The following DOCK3 variants were observed in gnomAD, a reference collection of about 807,000 sequenced individuals.
DOCK3 encodes dedicator of cytokinesis protein 3.
Under a neutral mutation model 265.6 loss-of-function variants are expected in DOCK3, and 60 were observed. The observed-to-expected ratio is 0.23, with a 90% CI of 0.18 to 0.28. The LOEUF (loss-of-function observed/expected upper bound fraction) is 0.28. DOCK3 is among the 10% of genes least tolerant of loss of function. DOCK3 has a pLI of 1.00. For synonymous variants in DOCK3, 881 were observed against 938.0 expected (o/e 0.94, Z 1.11); for missense variants, 1,981 against 2,594.3 (o/e 0.76, Z 5.14).
intron 9 of DOCK3, among the ~76,000 whole-genome samples, chr3:51,092,789 C>T (rs1576043490): frequency 6.6e-6 from 1 of 152,208 alleles, no homozygotes; most frequent in Non-Finnish European, 1.5e-5. Flanking sequence ...GCAGTTGCCC[C>T]TCTGGGACGA....
At chr3:50,879,468 G>T (rs1175039369) in intron 3 of DOCK3, among the ~76,000 whole-genome samples, 1 of 151,982 alleles carries the variant, frequency 6.6e-6, no homozygotes, top group African/African-American at 2.4e-5. Context: ...AAAAAAGGAA[G>T]GGGTTGCAAT....
intron 25 of DOCK3, among the ~76,000 whole-genome samples, chr3:51,275,936 A>G (rs933919876): frequency 2.0e-5 from 3 of 152,226 alleles, no homozygotes; most frequent in African/African-American, 7.2e-5. Flanking sequence ...CATATTACTT[A>G]TAGAAAATTC....
intron 14 of DOCK3, among the ~76,000 whole-genome samples, chr3:51,224,222 T>C (rs2090226013): frequency 6.6e-6 from 1 of 152,222 alleles, no homozygotes; most frequent in Admixed American, 6.5e-5. Flanking sequence ...CATGAACTTT[T>C]CTTACCCACT....
chr3:50,984,909 A>C (rs2077838155), intron 5 of DOCK3, among the ~76,000 whole-genome samples: 1 of 152,228 alleles, frequency 6.6e-6, no homozygotes, highest in Non-Finnish European at 1.5e-5. Flanking sequence ...TTGGAAGTAC[A>C]TGTGTGGATG....
At chr3:51,051,652 T>C (rs1160770049) in intron 5 of DOCK3, among the ~76,000 whole-genome samples, 4 of 152,186 alleles carry the variant, frequency 2.6e-5, no homozygotes, top group Non-Finnish European at 4.4e-5. Flanking sequence ...CCAATACCCT[T>C]TCCCACTGTG....
chr3:50,969,931 G>A (rs566472017), intron 5 of DOCK3, among the ~76,000 whole-genome samples: 2 of 152,252 alleles, frequency 1.3e-5, no homozygotes, highest in South Asian at 4.2e-4. Context: ...ACTTAGCTGG[G>A]CATGGTGGCG....
chr3:51,248,384 G>A (rs539148427), intron 22 of DOCK3, among the ~76,000 whole-genome samples: 1 of 152,320 alleles, frequency 6.6e-6, no homozygotes, highest in Non-Finnish European at 1.5e-5. Context: ...TGGTGGAGAC[G>A]GGGTTTCGCT....
intron 2 of DOCK3, among the ~76,000 whole-genome samples, chr3:50,817,051 G>C (rs2044125907): frequency 6.6e-6 from 1 of 152,206 alleles, no homozygotes; most frequent in African/African-American, 2.4e-5. Flanking sequence ...AGCCCAGAGA[G>C]CTGCTGGCAT....
In DOCK3 at chr3:50,848,507, G is replaced by A. The variant is rs751987243; in HGVS notation, c.162+6792G>A. ...TAGTGGTAACAAATTTCCTTAGTGC[G>A]TGCTTGTCTGGGAAAGATTTTGGTT... On this transcript the variant is annotated intron_variant, in intron 3 of 52. Transcript: ENST00000266037. Among the ~76,000 whole-genome samples the A allele has an allele frequency of 5.9e-5, 9 of 152,272 alleles. No individual in the cohort carries two copies. The South Asian group carries it at 1.5e-3, about 25-fold the overall frequency.
At chr3:51,176,166 T>C (rs182013780) in intron 12 of DOCK3, among the ~76,000 whole-genome samples, 1 of 152,368 alleles carries the variant, frequency 6.6e-6, no homozygotes, top group Non-Finnish European at 1.5e-5. Context: ...CTCTTGTTTA[T>C]GCAGGAGTGA....
chr3:51,269,453 T>C (rs2080381639), intron 23 of DOCK3, among the ~76,000 whole-genome samples: 1 of 152,168 alleles, frequency 6.6e-6, no homozygotes. Context: ...CAAAACAATC[T>C]CCTTGATATT....
intron 2 of DOCK3, among the ~76,000 whole-genome samples, chr3:50,827,002 A>C (rs376442283): frequency 1.7e-4 from 26 of 152,168 alleles, no homozygotes; most frequent in African/African-American, 6.3e-4. Flanking sequence ...GGGCTTCCAG[A>C]TTGAAAGGGC....
chr3:51,366,205 T>A (rs534416657), intron 49 of DOCK3, among the ~76,000 whole-genome samples: 1 of 152,290 alleles, frequency 6.6e-6, no homozygotes, highest in Admixed American at 6.5e-5. Context: ...TTCTTCCTGG[T>A]TTAGTCTTGG....
chr3:50,766,160 AT>A (rs1232557502), intron 1 of DOCK3, among the ~76,000 whole-genome samples: 1 of 152,184 alleles, frequency 6.6e-6, no homozygotes, highest in East Asian at 1.9e-4. Flanking sequence ...TCTAGGGTAC[AT>A]GTGCACAACG....
At chr3:50,960,258 T>G (rs1363854830) in intron 5 of DOCK3, among the ~76,000 whole-genome samples, 2 of 152,214 alleles carry the variant, frequency 1.3e-5, no homozygotes, top group Admixed American at 1.3e-4. Flanking sequence ...TATTTTTAAC[T>G]TTTAAAGAAA....
intron 3 of DOCK3, among the ~76,000 whole-genome samples, chr3:50,869,342 A>ATTTTTTTTTTT (rs755531254): frequency 0.019 from 1,315 of 70,104 alleles, 653 homozygotes; most frequent in Non-Finnish European, 0.023. Flanking sequence ...TCTGCTGGGA[A>ATTTTTTTTTTT]TTTTTTTTTT....
At chr3:50,773,685 A>G (rs973207846) in intron 1 of DOCK3, among the ~76,000 whole-genome samples, 1 of 152,128 alleles carries the variant, frequency 6.6e-6, no homozygotes, top group African/African-American at 2.4e-5. Context: ...CAAGCTTAGA[A>G]TACACCTTTG....
rs66495824 is a variant in DOCK3, at chr3:51,164,940, C to CTTTT, written c.1037+4254_1037+4257dup. On this transcript the variant is annotated intron_variant, in intron 12 of 52. Coordinates refer to ENST00000266037, the MANE Select transcript of DOCK3 (RefSeq NM_004947.5). ...GTCTTAAGAGTACTTGTTTAGGAGC[C>CTTTT]TTTTTTTTTTTTTTTTTTTGAGACG... Among the ~76,000 whole-genome samples the CTTTT allele has an allele frequency of 1.9e-4, 20 of 106,884 alleles. 1 individual carries two copies. Among genetic ancestry groups the CTTTT allele is most frequent in the Admixed American group, 2.4e-4 (2 of 8,278 alleles). The allele number at this position is 106,884 out of a possible 152,430, so 70.1% of individuals were successfully genotyped here.
chr3:50,916,739 G>T (rs2050147313), intron 4 of DOCK3, among the ~76,000 whole-genome samples: 1 of 151,784 alleles, frequency 6.6e-6, no homozygotes, highest in South Asian at 2.1e-4. Context: ...AACCCGGTAG[G>T]GGGAGCTTAC....
Sources: gnomAD v4.1 joint callset for allele counts (sites outside exome capture counted in the v4.1 genomes callset) on GRCh38, gnomAD v4.1.1 for gene constraint, MANE v1.5 for transcripts, NCBI Gene and HGNC (gene_info 2026-07-23, HGNC 2026-07-21) for gene names.